The following GTF2IRD1 variants were observed in gnomAD, a reference collection of about 807,000 sequenced individuals.
GTF2IRD1 encodes GTF2I repeat domain containing 1.
A neutral mutation model predicts 113.2 loss-of-function variants in GTF2IRD1; 26 were observed. That is an observed-to-expected ratio of 0.23 (90% CI 0.17 to 0.32). The LOEUF (loss-of-function observed/expected upper bound fraction) is 0.32. Among genes scored for constraint, GTF2IRD1 ranks in the 10% least tolerant of loss-of-function variants. The pLI is 1.00. For missense variants in GTF2IRD1, 864 were observed against 1,280.8 expected (o/e 0.67, Z 4.97); for synonymous variants, 484 against 529.1 (o/e 0.91, Z 1.17).
rs181915477 is a variant in GTF2IRD1 at position 74,483,076 on chromosome 7, G to A, written c.-6-24999G>A. The stretch of plus-strand genomic sequence containing the variant: ...AAGTTGTATTATGTTGTGAGCCTGG[G>A]TTGGGTGTGCAGAGATCTGGGGTTC... On this transcript the variant is annotated intron_variant, in intron 1 of 26. Coordinates refer to ENST00000424337, the MANE Select transcript of GTF2IRD1 (RefSeq NM_005685.4). Among the ~76,000 whole-genome samples the A allele has an allele frequency of 1.7e-3, 257 of 152,336 alleles. 2 individuals are homozygous for A. Among genetic ancestry groups the A allele is most frequent in the Non-Finnish European group, 2.8e-3 (192 of 68,042 alleles).
In GTF2IRD1 at chr7:74,454,155, G is replaced by A. The variant is rs1293195021; in HGVS notation, c.-28G>A. ...GCCGGGGCCGGGGCGCCGCTGGCAG[G>A]AGCGCTTGGGGATCCTCCAAGGTAG... On this transcript the variant is annotated 5_prime_UTR_variant, in exon 1 of 27. Coordinates refer to ENST00000424337, the MANE Select transcript of GTF2IRD1 (RefSeq NM_005685.4). 6.6e-6 allele frequency: 1 copy of A among 152,090 alleles called. No individual in the cohort carries two copies. The highest frequency in any genetic ancestry group is 2.4e-5 in the African/African-American group (1 of 41,380). The allele number at this position is 152,090 out of a possible 1,614,324, so 9.4% of individuals were successfully genotyped here. A position where few individuals can be genotyped will look rare whatever the true frequency, so the allele number is the denominator to read the frequency against.
At chr7:74,490,679 G>C (rs1433600690) in intron 1 of GTF2IRD1, among the ~76,000 whole-genome samples, 1 of 151,874 alleles carries the variant, frequency 6.6e-6, no homozygotes, top group Non-Finnish European at 1.5e-5. Flanking sequence ...GCCTGCCTTT[G>C]CCTTTTACGT....
At chr7:74,496,467 T>C (rs986669584) in intron 1 of GTF2IRD1, among the ~76,000 whole-genome samples, 1 of 96,800 alleles carries the variant, frequency 1.0e-5, no homozygotes. Context: ...GCATGTGTGT[T>C]CATGTGGGTG....
At chr7:74,578,186 A>T (rs1554365071) in intron 22 of GTF2IRD1, among the ~76,000 whole-genome samples, 2 of 152,162 alleles carry the variant, frequency 1.3e-5, no homozygotes, top group Non-Finnish European at 2.9e-5. Context: ...TTATAATTTT[A>T]CTTTCTTTTT....
chr7:74,567,728 G>A (rs1800408807), intron 22 of GTF2IRD1, among the ~76,000 whole-genome samples: 1 of 152,094 alleles, frequency 6.6e-6, no homozygotes, highest in South Asian at 2.1e-4. Flanking sequence ...TCACCTTTTA[G>A]AGGGCAGGAG....
chr7:74,522,244 TAA>T (rs79083668), intron 7 of GTF2IRD1, among the ~76,000 whole-genome samples: 1 of 142,430 alleles, frequency 7.0e-6, no homozygotes. Flanking sequence ...GTGATATATT[TAA>T]AAAAAAAAAA....
intron 8 of GTF2IRD1, among the ~76,000 whole-genome samples, chr7:74,525,303 T>C (rs1237026391): frequency 6.6e-6 from 1 of 152,186 alleles, no homozygotes; most frequent in Admixed American, 6.5e-5. Context: ...CTGGGTACCC[T>C]GATGGTTCCC....
At chr7:74,524,838 C>T (rs1274560443) in intron 8 of GTF2IRD1, among the ~76,000 whole-genome samples, 1 of 152,142 alleles carries the variant, frequency 6.6e-6, no homozygotes, top group Admixed American at 6.5e-5. Flanking sequence ...GCACTTCAGC[C>T]TGGTGACACA....
At chr7:74,568,701 G>A (rs115115665) in intron 22 of GTF2IRD1, among the ~76,000 whole-genome samples, 2,371 of 152,264 alleles carry the variant, frequency 0.016, 66 homozygotes, top group African/African-American at 0.054. Context: ...GTGGAAGAGG[G>A]TTGCTGAATG....
intron 1 of GTF2IRD1, among the ~76,000 whole-genome samples, chr7:74,454,790 G>A (rs1354315223): frequency 6.6e-6 from 1 of 152,168 alleles, no homozygotes. Flanking sequence ...GCAGTGGGGG[G>A]ACCACAAAGG....
intron 1 of GTF2IRD1, among the ~76,000 whole-genome samples, chr7:74,490,893 T>C (rs1390018410): frequency 6.6e-6 from 1 of 151,986 alleles, no homozygotes; most frequent in Non-Finnish European, 1.5e-5. Context: ...GAGGACTGAG[T>C]GTCCAAGGGG....
At chr7:74,516,870 G>C (rs1264920394) in intron 4 of GTF2IRD1, among the ~76,000 whole-genome samples, 1 of 152,164 alleles carries the variant, frequency 6.6e-6, no homozygotes, top group East Asian at 1.9e-4. Context: ...GGGGGCTGTA[G>C]CATGGAGGTG....
At chr7:74,524,979 G>A (rs1328622639) in intron 8 of GTF2IRD1, among the ~76,000 whole-genome samples, 1 of 152,150 alleles carries the variant, frequency 6.6e-6, no homozygotes, top group African/African-American at 2.4e-5. Context: ...TGAGGCTACA[G>A]TGAGCTACGA....
intron 22 of GTF2IRD1, among the ~76,000 whole-genome samples, chr7:74,560,481 AATAT>A (rs1168727127): frequency 6.8e-6 from 1 of 147,290 alleles, no homozygotes; most frequent in Non-Finnish European, 1.5e-5. Flanking sequence ...CATAATAAAA[AATAT>A]ATATAATAAA....
chr7:74,523,086 G>T lies in GTF2IRD1; in HGVS notation c.1007-985G>T, dbSNP rs587628004. Among the ~76,000 whole-genome samples the T allele has an allele frequency of 1.3e-4, 20 of 152,330 alleles. No homozygotes were observed. The South Asian group carries it at 4.1e-3, about 32-fold the overall frequency. On this transcript the variant is annotated intron_variant, in intron 7 of 26. Coordinates refer to ENST00000424337, the MANE Select transcript of GTF2IRD1 (RefSeq NM_005685.4). Reference sequence around the variant, plus strand: ...ACTCAGCCCTTAGCCAGACATGGTGGTAGGCACCTGTAGTCGCAGCCACTC... The same window carrying T: ...ACTCAGCCCTTAGCCAGACATGGTGTTAGGCACCTGTAGTCGCAGCCACTC...
intron 22 of GTF2IRD1, among the ~76,000 whole-genome samples, chr7:74,589,563 G>A (rs1385747056): frequency 6.6e-6 from 1 of 152,052 alleles, no homozygotes; most frequent in Non-Finnish European, 1.5e-5. Flanking sequence ...TGGGCATGGT[G>A]GCACGTGCCT....
At chr7:74,544,354 T>C (rs1562855116) in intron 14 of GTF2IRD1, among the ~76,000 whole-genome samples, 1 of 151,960 alleles carries the variant, frequency 6.6e-6, no homozygotes, top group Non-Finnish European at 1.5e-5. Context: ...CCCAGCCAAT[T>C]TTTGTATTTT....
At position 74,488,068 on chromosome 7, in the gene GTF2IRD1, G is replaced by A. The variant is rs370382527; in HGVS notation, c.-6-20007G>A. Among the ~76,000 whole-genome samples the A allele has an allele frequency of 2.0e-4, 30 of 152,220 alleles. No individual in the cohort carries two copies. The East Asian group carries it at 5.8e-3, about 29-fold the overall frequency. On this transcript the variant is annotated intron_variant, in intron 1 of 26. Transcript: ENST00000424337. ...GCCCAAGGTGAGAAGATCACTTGAG[G>A]CCAGGAGTTCAAGATCAGCCTGGGC...
intron 1 of GTF2IRD1, among the ~76,000 whole-genome samples, chr7:74,457,098 C>T (rs1401153443): frequency 6.6e-6 from 1 of 151,988 alleles, no homozygotes; most frequent in African/African-American, 2.4e-5. Flanking sequence ...TCAAGCCACC[C>T]TCCCACCCCA....
Sources: gnomAD v4.1 joint callset for allele counts (sites outside exome capture counted in the v4.1 genomes callset) on GRCh38, gnomAD v4.1.1 for gene constraint, MANE v1.5 for transcripts, NCBI Gene and HGNC (gene_info 2026-07-23, HGNC 2026-07-21) for gene names.